The following ITCH variants were observed in gnomAD, a reference collection of about 807,000 sequenced individuals.
The protein encoded by ITCH is E3 ubiquitin-protein ligase Itchy homolog.
In ITCH, 28 loss-of-function variants were observed where a neutral mutation model predicts 126.8. That is an observed-to-expected ratio of 0.22 (90% CI 0.16 to 0.30). The LOEUF is 0.30. Ranked by LOEUF, ITCH falls within the 10% of genes least tolerant of loss-of-function variation. The pLI is 1.00. For missense variants in ITCH, 631 were observed against 1,032.4 expected, an observed-to-expected ratio of 0.61 and a Z score of 5.33; for synonymous variants, 342 against 340.0, an observed-to-expected ratio of 1.01 and a Z score of -0.06.
chr20:34,484,693 G>A (rs1021699498), intron 20 of ITCH, among the ~76,000 whole-genome samples: 4 of 152,126 alleles, frequency 2.6e-5, no homozygotes, highest in African/African-American at 7.2e-5. Context: ...GGGGTTTTTA[G>A]TATTATTTTA....
At chr20:34,450,746 A>G (rs1251420620) in intron 12 of ITCH, among the ~76,000 whole-genome samples, 1 of 152,188 alleles carries the variant, frequency 6.6e-6, no homozygotes, top group East Asian at 1.9e-4. Context: ...TAGATTGGGA[A>G]AAGTTGGTCC....
chr20:34,386,128 G>A (rs2038276515), intron 2 of ITCH, among the ~76,000 whole-genome samples: 1 of 149,000 alleles, frequency 6.7e-6, no homozygotes, highest in East Asian at 1.9e-4. Context: ...TTTTTTTGAG[G>A]CAGAGTCTTG....
intron 2 of ITCH, among the ~76,000 whole-genome samples, chr20:34,374,054 T>G (rs999660828): frequency 2.2e-4 from 34 of 152,102 alleles, no homozygotes; most frequent in African/African-American, 7.5e-4. Flanking sequence ...CTGGCTAATT[T>G]TTTGTATTTT....
intron 6 of ITCH, among the ~76,000 whole-genome samples, chr20:34,414,798 C>G (rs1979595574): frequency 6.6e-6 from 1 of 152,136 alleles, no homozygotes; most frequent in Non-Finnish European, 1.5e-5. Flanking sequence ...CTTCTTAACA[C>G]TGTACCACCC....
intron 24 of ITCH, among the ~76,000 whole-genome samples, chr20:34,506,582 G>C (rs1023613227): frequency 1.3e-5 from 2 of 152,160 alleles, no homozygotes; most frequent in African/African-American, 4.8e-5. Flanking sequence ...TCTAGATTGT[G>C]CATTCCTTAC....
At chr20:34,386,795 A>G (rs145604448) in intron 2 of ITCH, among the ~76,000 whole-genome samples, 1 of 152,356 alleles carries the variant, frequency 6.6e-6, no homozygotes, top group Admixed American at 6.5e-5. Flanking sequence ...CATATTTAAA[A>G]TAAGGCTATA....
chr20:34,454,835 T>C (rs1342735742), intron 12 of ITCH, among the ~76,000 whole-genome samples: 6 of 133,404 alleles, frequency 4.5e-5, no homozygotes, highest in African/African-American at 1.7e-4. Context: ...TTTTTTTTTT[T>C]TTTTTTTTTT....
chr20:34,435,624 A>T (rs920803651), intron 7 of ITCH, among the ~76,000 whole-genome samples: 1 of 152,110 alleles, frequency 6.6e-6, no homozygotes, highest in Admixed American at 6.5e-5. Flanking sequence ...TACTTAGTTT[A>T]TTTACTCCAC....
intron 3 of ITCH, among the ~76,000 whole-genome samples, chr20:34,405,075 G>A (rs1163078503): frequency 1.3e-5 from 2 of 149,260 alleles, no homozygotes; most frequent in African/African-American, 5.0e-5. Context: ...GGAGGTAGAG[G>A]TGGTTGCAGT....
chr20:34,432,291 A>G (rs185802347), intron 7 of ITCH, among the ~76,000 whole-genome samples: 136 of 152,302 alleles, frequency 8.9e-4, no homozygotes, highest in African/African-American at 3.1e-3. Context: ...TGCTGAATAA[A>G]TTTAGCTATA....
At chr20:34,364,149 C>T (rs1415944359) in intron 1 of ITCH, among the ~76,000 whole-genome samples, 1 of 152,192 alleles carries the variant, frequency 6.6e-6, no homozygotes, top group Non-Finnish European at 1.5e-5. Context: ...AGAATTTGTG[C>T]GCCCGAAGTA....
chr20:34,455,962 T>C (rs1457408293), intron 12 of ITCH, among the ~76,000 whole-genome samples: 2 of 151,712 alleles, frequency 1.3e-5, no homozygotes, highest in East Asian at 3.9e-4. Flanking sequence ...AAAGTTACTG[T>C]AGATATTTAG....
chr20:34,463,814 A>T (rs1284390441), intron 14 of ITCH, among the ~76,000 whole-genome samples: 4 of 148,358 alleles, frequency 2.7e-5, no homozygotes, highest in African/African-American at 5.0e-5. Flanking sequence ...TTCTTTTGCG[A>T]TTGAGTTTTA....
At chr20:34,459,265 G>A (rs761414139) in intron 13 of ITCH, among the ~76,000 whole-genome samples, 40 of 152,186 alleles carry the variant, frequency 2.6e-4, no homozygotes, top group Non-Finnish European at 4.1e-4. Context: ...GGGAGGCTCT[G>A]AACATCCAGC....
At chr20:34,408,329 C>T (rs1978446097) in intron 3 of ITCH, among the ~76,000 whole-genome samples, 1 of 152,194 alleles carries the variant, frequency 6.6e-6, no homozygotes, top group African/African-American at 2.4e-5. Context: ...TTGCCTCAGC[C>T]TCCCAAAGTT....
At chr20:34,394,539 T>C (rs1254968328) in intron 3 of ITCH, among the ~76,000 whole-genome samples, 1 of 152,194 alleles carries the variant, frequency 6.6e-6, no homozygotes, top group African/African-American at 2.4e-5. Context: ...TGCACCACCA[T>C]GCCCAGCAAA....
chr20:34,394,055 A>G (rs1341719704), intron 3 of ITCH, among the ~76,000 whole-genome samples, 174 bp downstream of exon 3: 2 of 151,994 alleles, frequency 1.3e-5, no homozygotes, highest in Non-Finnish European at 2.9e-5. Context: ...AACATGGAGA[A>G]TACAAAATTA....
intron 21 of ITCH, 72 bp from the exon 22 acceptor site, chr20:34,489,750 T>G (rs1193241900): frequency 2.0e-6 from 2 of 981,042 alleles, no homozygotes; most frequent in Admixed American, 3.4e-5. Context: ...TTGCTTAATC[T>G]TAGTCTTTCC....
At chr20:34,363,594 C>T (rs929236259) in intron 1 of ITCH, among the ~76,000 whole-genome samples, 11 of 152,156 alleles carry the variant, frequency 7.2e-5, no homozygotes, top group Non-Finnish European at 1.0e-4. Context: ...CACAGGCTTC[C>T]GGAGGCCTTC....
Sources: allele counts gnomAD v4.1 joint callset (sites outside exome capture counted in the v4.1 genomes callset), GRCh38; gene constraint gnomAD v4.1.1; transcripts MANE v1.5; gene names NCBI Gene and HGNC (gene_info 2026-07-23, HGNC 2026-07-21).